The following MALRD1 variants were observed in gnomAD, a reference collection of about 807,000 sequenced individuals.
The protein encoded by MALRD1 is MAM and LDL receptor class A domain containing 1.
A neutral mutation model predicts 242.1 loss-of-function variants in MALRD1; 247 were observed. The observed-to-expected ratio is 1.02, with a 90% CI of 0.92 to 1.13. MALRD1 has a LOEUF of 1.13. Among genes scored for constraint, MALRD1 ranks in the 50% most tolerant of loss-of-function variants. The pLI is 0.00. For synonymous variants in MALRD1, 995 were observed against 866.6 expected (o/e 1.15, Z -2.60); for missense variants, 2,989 against 2,533.1 (o/e 1.18, Z -3.86).
At chr10:19,063,071 G>A (rs767421216) in intron 1 of MALRD1, among the ~76,000 whole-genome samples, 19 of 151,854 alleles carry the variant, frequency 1.3e-4, no homozygotes, top group Non-Finnish European at 2.1e-4. Flanking sequence ...CTTGAGCCTG[G>A]GGAGGTCAAG....
Position 19,176,847 on chromosome 10 carries a change from T to C in MALRD1, c.1951+1519T>C, listed in dbSNP as rs181187914. Reference sequence around the variant, plus strand: ...GTGTGTGTGTGCATGCCTGTGTGTCTGTGTGTGTGCGTGCATGTGTGCATG... The same window carrying C: ...GTGTGTGTGTGCATGCCTGTGTGTCCGTGTGTGTGCGTGCATGTGTGCATG... On this transcript the variant is annotated intron_variant, in intron 14 of 39. Transcript: ENST00000454679. 2.3e-3 allele frequency among the ~76,000 whole-genome samples: 297 copies of C among 130,066 alleles called. 10 individuals are homozygous for C. In the East Asian group the frequency reaches 0.047, roughly 21 times the overall value. 85.3% of individuals were successfully genotyped at this position (130,066 alleles called of 152,430 possible). A position where few individuals can be genotyped will look rare whatever the true frequency, so the allele number is the denominator to read the frequency against.
At chr10:19,061,220 G>C (rs1001126388) in intron 1 of MALRD1, among the ~76,000 whole-genome samples, 3 of 152,116 alleles carry the variant, frequency 2.0e-5, no homozygotes, top group Admixed American at 6.5e-5. Flanking sequence ...AAACCAGCAC[G>C]AGACTAAAGA....
At chr10:19,077,929 T>G (rs1052263154) in intron 2 of MALRD1, among the ~76,000 whole-genome samples, 3 of 151,876 alleles carry the variant, frequency 2.0e-5, no homozygotes, top group African/African-American at 7.2e-5. Flanking sequence ...ATTGTTTTCA[T>G]TCTTCAAACC....
intron 17 of MALRD1, among the ~76,000 whole-genome samples, chr10:19,206,321 T>A (rs1419148795): frequency 6.6e-6 from 1 of 152,140 alleles, no homozygotes; most frequent in Non-Finnish European, 1.5e-5. Flanking sequence ...AAACTCAGAA[T>A]TACCATGCAT....
intron 32 of MALRD1, among the ~76,000 whole-genome samples, chr10:19,551,995 AT>A (rs1346891267): frequency 4.0e-5 from 6 of 151,854 alleles, no homozygotes; most frequent in Admixed American, 6.6e-5. Flanking sequence ...GTTTGCCAGT[AT>A]TTTTTTTGAG....
intron 32 of MALRD1, among the ~76,000 whole-genome samples, chr10:19,536,995 T>G (rs16919004): frequency 0.04 from 6,155 of 152,182 alleles, 381 homozygotes; most frequent in African/African-American, 0.13. Context: ...CTTGCGACTA[T>G]CTGGAGAAAA....
chr10:19,692,433 C>G, intron 37 of MALRD1, 25 bp from the exon 38 acceptor site: 2 of 1,532,810 alleles, frequency 1.3e-6, no homozygotes, highest in Non-Finnish European at 1.7e-6. Flanking sequence ...GCATATTTAT[C>G]TTTTTCTTTG....
intron 18 of MALRD1, among the ~76,000 whole-genome samples, chr10:19,246,136 G>T (rs1315955097): frequency 6.6e-6 from 1 of 152,060 alleles, no homozygotes. Context: ...ATATTAGTTT[G>T]CTGATACTAT....
At chr10:19,676,751 T>C (rs1018582655) in intron 36 of MALRD1, among the ~76,000 whole-genome samples, 29 of 152,198 alleles carry the variant, frequency 1.9e-4, no homozygotes, top group African/African-American at 6.8e-4. Context: ...TATAGTGGTT[T>C]GCTGCACCTA....
chr10:19,516,599 A>G (rs375848980), intron 31 of MALRD1, among the ~76,000 whole-genome samples: 85 of 151,768 alleles, frequency 5.6e-4, no homozygotes, highest in Middle Eastern at 6.8e-3. Flanking sequence ...CATTTGTTCA[A>G]TTTTCAAATA....
At chr10:19,443,255 C>T (rs1834771583) in intron 28 of MALRD1, among the ~76,000 whole-genome samples, 1 of 152,104 alleles carries the variant, frequency 6.6e-6, no homozygotes, top group Non-Finnish European at 1.5e-5. Context: ...CTTTGTTGAT[C>T]TTTTCAAAAA....
chr10:19,460,451 AT>A (rs61481398), intron 29 of MALRD1, among the ~76,000 whole-genome samples: 76,048 of 150,506 alleles, frequency 0.51, 19,156 homozygotes, highest in East Asian at 0.54. Context: ...GCACACACAG[AT>A]TTTTTTTTTT....
intron 26 of MALRD1, among the ~76,000 whole-genome samples, chr10:19,363,425 T>C (rs1023563916): frequency 3.9e-5 from 6 of 151,920 alleles, no homozygotes; most frequent in African/African-American, 1.5e-4. Flanking sequence ...TACCCAGGAG[T>C]GACTACGTCA....
At chr10:19,234,459 TAATA>T (rs1159780615) in intron 18 of MALRD1, among the ~76,000 whole-genome samples, 6 of 152,264 alleles carry the variant, frequency 3.9e-5, no homozygotes, top group African/African-American at 7.2e-5. Flanking sequence ...AAATCTACTC[TAATA>T]GAGATAGTCA....
intron 13 of MALRD1, among the ~76,000 whole-genome samples, chr10:19,169,035 G>A (rs569748945): frequency 6.6e-6 from 1 of 152,240 alleles, no homozygotes; most frequent in South Asian, 2.1e-4. Context: ...TATCCAATCA[G>A]CAATTTAGAA....
intron 33 of MALRD1, among the ~76,000 whole-genome samples, chr10:19,572,429 T>G (rs868339751): frequency 7.2e-5 from 11 of 152,322 alleles, no homozygotes; most frequent in South Asian, 6.2e-4. Context: ...TTGTAAAATA[T>G]TTGAAACAAC....
intron 21 of MALRD1, among the ~76,000 whole-genome samples, chr10:19,298,493 G>A (rs528757613): frequency 6.6e-5 from 10 of 151,926 alleles, no homozygotes; most frequent in Middle Eastern, 3.4e-3. Context: ...GAAAGAAAGG[G>A]AAGGGAAGCA....
chr10:19,222,481 A>G (rs1837601285), intron 18 of MALRD1, among the ~76,000 whole-genome samples: 1 of 152,222 alleles, frequency 6.6e-6, no homozygotes, highest in South Asian at 2.1e-4. Context: ...ACAAGGAAGT[A>G]TTTAAATATA....
At chr10:19,295,267 T>C (rs1249805403) in intron 21 of MALRD1, among the ~76,000 whole-genome samples, 2 of 151,958 alleles carry the variant, frequency 1.3e-5, no homozygotes, top group East Asian at 1.9e-4. Flanking sequence ...CAATTACTCC[T>C]CAAAAATGTA....
Sources: allele counts gnomAD v4.1 joint callset (sites outside exome capture counted in the v4.1 genomes callset), GRCh38; gene constraint gnomAD v4.1.1; transcripts MANE v1.5; gene names NCBI Gene and HGNC (gene_info 2026-07-23, HGNC 2026-07-21).